The following KCNQ1 variants were observed in gnomAD, a reference collection of about 807,000 sequenced individuals.
KCNQ1 encodes the protein potassium voltage-gated channel subfamily Q member 1, also known as potassium voltage-gated channel subfamily KQT member 1.
In KCNQ1, 49 loss-of-function variants were observed where a neutral mutation model predicts 72.4. The observed-to-expected ratio is 0.68, with a 90% confidence interval of 0.54 to 0.86. The LOEUF is 0.86. Among genes scored for constraint, KCNQ1 ranks in the 40% least tolerant of loss-of-function variants. The pLI is 0.00. For missense variants in KCNQ1, 790 were observed against 945.1 expected (o/e 0.84, Z 2.15); for synonymous variants, 450 against 412.6 (o/e 1.09, Z -1.10).
At position 2,848,547 on chromosome 11, in the gene KCNQ1, T is replaced by A; in HGVS notation, c.*544T>A. 2.2e-6 allele frequency: 1 copy of A among 454,346 alleles called. No homozygotes were observed. Among genetic ancestry groups the A allele is most frequent in the Non-Finnish European group, 4.4e-6 (1 of 226,900 alleles). The allele number at this position is 454,346 out of a possible 1,614,324, so 28.1% of individuals were successfully genotyped here. ...GCCTGGCTCCCTCACTCTCAGGAAA[T>A]GCTGACCCATGGGCAGGAGACTGTG... On this transcript the variant is annotated 3_prime_UTR_variant, in exon 16 of 16. Transcript: ENST00000155840.
chr11:2,723,709 C>T lies in KCNQ1; in HGVS notation c.1515-45135C>T, dbSNP rs1010672446. 3.9e-5 allele frequency among the ~76,000 whole-genome samples: 6 copies of T among 152,320 alleles called. No homozygotes were observed. The highest frequency in any genetic ancestry group is 2.0e-4 in the Admixed American group (3 of 15,306). The stretch of plus-strand genomic sequence containing the variant: ...GAGTGGTCTAGGATGGCCTTGCTCC[C>T]GGAGAAGACCCTTGGCAGACAGCCT... On this transcript the variant is annotated intron_variant, in intron 11 of 15. Coordinates refer to ENST00000155840, the MANE Select transcript of KCNQ1 (RefSeq NM_000218.3). This position sits in a 1 kb window ranked among gnomAD's most constrained non-coding sequence, Gnocchi z 4.2.
chr11:2,452,642 C>T (rs1846133113), intron 1 of KCNQ1, among the ~76,000 whole-genome samples: 2 of 152,228 alleles, frequency 1.3e-5, no homozygotes, highest in Admixed American at 1.3e-4. Context: ...CGTGACGTCT[C>T]CAGCTGTTCT....
At position 2,626,150 on chromosome 11, in the gene KCNQ1, A is replaced by G; in HGVS notation, c.1394-35811A>G. 1 of 397,582 alleles carries G rather than the reference A, an allele frequency of 2.5e-6. No homozygotes were observed. Among genetic ancestry groups the G allele is most frequent in the Non-Finnish European group, 4.4e-6 (1 of 226,048 alleles). The allele number at this position is 397,582 out of a possible 1,614,324, so 24.6% of individuals were successfully genotyped here. ...ATACAAGAAGCACTGCCAATGATGT[A>G]AAGTTTTTCCCCTATGTTTCCTTAT... On this transcript the variant is annotated intron_variant, in intron 10 of 15. Transcript: ENST00000155840. The surrounding 1 kb of genome is among the most constrained non-coding windows in gnomAD (Gnocchi z 4.0).
rs946447352 is a variant in KCNQ1, at chr11:2,616,961, GTGTT to G, written c.1393+28109_1393+28112del. 60 of 338,290 alleles carry G rather than the reference GTGTT, an allele frequency of 1.8e-4. 1 individual carries two copies. Among genetic ancestry groups the G allele is most frequent in the African/African-American group, 1.1e-3 (37 of 33,672 alleles). 21.0% of individuals were successfully genotyped at this position (338,290 alleles called of 1,614,324 possible). On this transcript the variant is annotated intron_variant, in intron 10 of 15. Transcript: ENST00000155840. ...CTGTCTGGCTGTACATTATCTTGTT[GTGTT>G]TTTTTTTTTTAATTTTAAAAATATG...
chr11:2,623,843 T>C lies in KCNQ1; in HGVS notation c.1393+34989T>C, dbSNP rs1022030305. ...TATGTTTAATTTTATAAGAAACCAC[T>C]GATTTCGATATACTCTGGATTCTTC... On this transcript the variant is annotated intron_variant, in intron 10 of 15. Coordinates refer to ENST00000155840, the MANE Select transcript of KCNQ1 (RefSeq NM_000218.3). This position sits in a 1 kb window ranked among gnomAD's most constrained non-coding sequence, Gnocchi z 5.2. 7.5e-6 allele frequency: 3 copies of C among 398,500 alleles called. No individual in the cohort carries two copies. The highest frequency in any genetic ancestry group is 6.2e-5 in the African/African-American group (3 of 48,636). The allele number at this position is 398,500 out of a possible 1,614,324, so 24.7% of individuals were successfully genotyped here. A position where few individuals can be genotyped will look rare whatever the true frequency, so the allele number is the denominator to read the frequency against.
chr11:2,596,307 C>T (rs1223212459), intron 10 of KCNQ1, among the ~76,000 whole-genome samples: 2 of 152,128 alleles, frequency 1.3e-5, no homozygotes, highest in African/African-American at 4.8e-5. Flanking sequence ...TACATACCTA[C>T]CATATTCTAC....
At chr11:2,638,113 G>T (rs1485895463) in intron 10 of KCNQ1, 1 of 152,140 alleles carries the variant, frequency 6.6e-6, no homozygotes, top group Admixed American at 6.5e-5. Context: ...GCACACTGAT[G>T]GGTCTTGACT....
intron 2 of KCNQ1, among the ~76,000 whole-genome samples, chr11:2,540,308 C>G (rs1185006741): frequency 6.6e-6 from 1 of 152,224 alleles, no homozygotes; most frequent in African/African-American, 2.4e-5. Context: ...AAACCAGAGG[C>G]CCTGGCCGTG....
chr11:2,838,111 G>A (rs756684782), intron 15 of KCNQ1, among the ~76,000 whole-genome samples: 9 of 152,200 alleles, frequency 5.9e-5, no homozygotes, highest in Non-Finnish European at 1.0e-4. Flanking sequence ...CCTGCTGCAC[G>A]CCAAGGGCAG....
At chr11:2,552,118 C>CTTT (rs1322705656) in intron 2 of KCNQ1, among the ~76,000 whole-genome samples, 1 of 146,432 alleles carries the variant, frequency 6.8e-6, no homozygotes, top group Non-Finnish European at 1.5e-5. Context: ...CAGGGTTCTT[C>CTTT]TTTTTTTTTT....
At chr11:2,798,182 A>AGCCCAGG (rs1847178170) in intron 15 of KCNQ1, among the ~76,000 whole-genome samples, 1 of 152,228 alleles carries the variant, frequency 6.6e-6, no homozygotes, top group African/African-American at 2.4e-5. Context: ...CCCACATGGC[A>AGCCCAGG]GCCCAGGGCC....
Position 2,674,532 on chromosome 11 carries a change from G to T in KCNQ1, c.1514+12451G>T. ...TAGATGGCACTTGCAAAGCCCATTCGGAGGATTTAGACAAATACCTCGAGT... is the reference window on the plus strand; with the variant it reads ...TAGATGGCACTTGCAAAGCCCATTCTGAGGATTTAGACAAATACCTCGAGT... On this transcript the variant is annotated intron_variant, in intron 11 of 15. Transcript: ENST00000155840. The surrounding 1 kb of genome is among the most constrained non-coding windows in gnomAD (Gnocchi z 5.9). The T allele has an allele frequency of 2.5e-6, 1 of 398,584 alleles. No individual in the cohort carries two copies. Among genetic ancestry groups the T allele is most frequent in the Non-Finnish European group, 4.4e-6 (1 of 226,056 alleles). The allele number at this position is 398,584 out of a possible 1,614,324, so 24.7% of individuals were successfully genotyped here. A position where few individuals can be genotyped will look rare whatever the true frequency, so the allele number is the denominator to read the frequency against.
chr11:2,635,085 T>C (rs1034831093), intron 10 of KCNQ1: 7 of 152,352 alleles, frequency 4.6e-5, no homozygotes, highest in African/African-American at 1.7e-4. Context: ...ATATTAGCCT[T>C]TTATCAGATG....
intron 11 of KCNQ1, among the ~76,000 whole-genome samples, chr11:2,731,466 C>T (rs918357166): frequency 6.6e-5 from 10 of 152,228 alleles, no homozygotes; most frequent in African/African-American, 2.2e-4. Context: ...CACGCCCACT[C>T]GGGCACCGGA....
At chr11:2,655,618 C>A in intron 10 of KCNQ1, 1 of 398,696 alleles carries the variant, frequency 2.5e-6, no homozygotes, top group Non-Finnish European at 4.4e-6. Context: ...ACAGCACTTG[C>A]CCTCAAGCCC....
intron 10 of KCNQ1, among the ~76,000 whole-genome samples, chr11:2,597,305 A>G (rs1029291540): frequency 6.6e-6 from 1 of 152,264 alleles, no homozygotes; most frequent in Non-Finnish European, 1.5e-5. Flanking sequence ...TTAAAGATGC[A>G]TATGCCTTTG....
Position 2,626,997 on chromosome 11 carries a change from G to C in KCNQ1, c.1394-34964G>C. The C allele has an allele frequency of 2.5e-6, 1 of 398,556 alleles. No individual in the cohort carries two copies. The highest frequency in any genetic ancestry group is 4.4e-6 in the Non-Finnish European group (1 of 226,052). 24.7% of individuals were successfully genotyped at this position (398,556 alleles called of 1,614,324 possible). A position where few individuals can be genotyped will look rare whatever the true frequency, so the allele number is the denominator to read the frequency against. Reference sequence around the variant, plus strand: ...TTTTTATTGGGATTACCTTGGATTTGTAGATTGTTTTGTGTGGTACTGACA... The same window carrying C: ...TTTTTATTGGGATTACCTTGGATTTCTAGATTGTTTTGTGTGGTACTGACA... On this transcript the variant is annotated intron_variant, in intron 10 of 15. Coordinates refer to ENST00000155840, the MANE Select transcript of KCNQ1 (RefSeq NM_000218.3). This position sits in a 1 kb window ranked among gnomAD's most constrained non-coding sequence, Gnocchi z 4.0.
At chr11:2,751,354 C>T (rs942554511) in intron 11 of KCNQ1, among the ~76,000 whole-genome samples, 4 of 152,230 alleles carry the variant, frequency 2.6e-5, no homozygotes, top group Non-Finnish European at 4.4e-5. Flanking sequence ...GAAACGGACG[C>T]CAGCGTTTAG....
intron 1 of KCNQ1, among the ~76,000 whole-genome samples, chr11:2,465,594 C>G (rs1431081696): frequency 6.6e-6 from 1 of 152,242 alleles, no homozygotes; most frequent in Non-Finnish European, 1.5e-5. Context: ...CGTGCTGGCC[C>G]CTCTCACACC....
Sources: gnomAD v4.1 joint callset for allele counts (sites outside exome capture counted in the v4.1 genomes callset) on GRCh38, gnomAD v4.1.1 for gene constraint, Gnocchi (gnomAD v3.1) non-coding constraint, MANE v1.5 for transcripts, NCBI Gene and HGNC (gene_info 2026-07-23, HGNC 2026-07-21) for gene names.